TCAIM: variants seen among roughly 807,000 people sequenced by gnomAD.
The protein encoded by TCAIM is T-cell activation inhibitor, mitochondrial.
In TCAIM, 36 loss-of-function variants were observed where a neutral mutation model predicts 58.6. That is an observed-to-expected ratio of 0.61 (90% CI 0.47 to 0.81). The LOEUF is 0.81. TCAIM is among the 30% of genes least tolerant of loss of function. The pLI, the probability that TCAIM is intolerant of heterozygous loss-of-function variation, is 0.00. For synonymous variants in TCAIM, 172 were observed against 193.6 expected, an observed-to-expected ratio of 0.89 and a Z score of 0.93; for missense variants, 466 against 579.6, an observed-to-expected ratio of 0.80 and a Z score of 2.01.
At chr3:44,350,559 T>C (rs1701067191) in intron 1 of TCAIM, among the ~76,000 whole-genome samples, 1 of 151,938 alleles carries the variant, frequency 6.6e-6, no homozygotes, top group South Asian at 2.1e-4. Flanking sequence ...GCTTTCTGAG[T>C]AGCTGAGGCA....
chr3:44,343,076 G>A (rs927512741), intron 1 of TCAIM, among the ~76,000 whole-genome samples: 10 of 151,918 alleles, frequency 6.6e-5, no homozygotes, highest in Admixed American at 1.3e-4. Context: ...GGCAGAGGTC[G>A]CAGTGAGCCG....
At chr3:44,380,924 AAC>A (rs1701645741) in intron 5 of TCAIM, among the ~76,000 whole-genome samples, 2 of 152,198 alleles carry the variant, frequency 1.3e-5, no homozygotes, top group South Asian at 2.1e-4. Context: ...TATTTCTAGA[AAC>A]ACAAAATCTA....
At position 44,396,884 on chromosome 3, in the gene TCAIM, A is replaced by G. The variant is rs751292544; in HGVS notation, c.885+50A>G. The stretch of plus-strand genomic sequence containing the variant: ...AACTCCTTGTCATTCATAAACTTTC[A>G]TTTCCAACAATGCTGTAATGTTAAG... On this transcript the variant is annotated intron_variant, in intron 8 of 10. Coordinates refer to ENST00000342649, the MANE Select transcript of TCAIM (RefSeq NM_173826.4). 4 of 1,534,622 alleles carry G rather than the reference A, an allele frequency of 2.6e-6. No homozygotes were observed. In the African/African-American group the frequency reaches 4.1e-5, roughly 16 times the overall value.
At position 44,359,012 on chromosome 3, in the gene TCAIM, G is replaced by C. The variant is rs1025204853; in HGVS notation, c.165+1136G>C. On this transcript the variant is annotated intron_variant, in intron 3 of 10. Transcript: ENST00000342649. ...ATTAACTCGGGGATGCATTAATAAAGTTTTTAAATTCAAAATGTATAGAAA... is the reference window on the plus strand; with the variant it reads ...ATTAACTCGGGGATGCATTAATAAACTTTTTAAATTCAAAATGTATAGAAA... 4 of 983,134 alleles carry C rather than the reference G, an allele frequency of 4.1e-6. No individual in the cohort carries two copies. The African/African-American group carries it at 7.0e-5, about 17-fold the overall frequency. The allele number at this position is 983,134 out of a possible 1,614,324, so 60.9% of individuals were successfully genotyped here. A position where few individuals can be genotyped will look rare whatever the true frequency, so the allele number is the denominator to read the frequency against.
chr3:44,380,734 T>C lies in TCAIM; in HGVS notation c.573-12121T>C, dbSNP rs892415540. Among the ~76,000 whole-genome samples the C allele has an allele frequency of 9.9e-5, 15 of 152,224 alleles. 1 individual carries two copies. In the South Asian group the frequency reaches 2.1e-3, roughly 21 times the overall value. On this transcript the variant is annotated intron_variant, in intron 5 of 10. Coordinates refer to ENST00000342649, the MANE Select transcript of TCAIM (RefSeq NM_173826.4). ...TCAACAAAACCAAAACTTGGTTCTT[T>C]GAAAAGATCAACAAAATTGACCTTT...
chr3:44,381,936 A>G (rs1275530486), intron 5 of TCAIM, among the ~76,000 whole-genome samples: 1 of 152,228 alleles, frequency 6.6e-6, no homozygotes, highest in Non-Finnish European at 1.5e-5. Flanking sequence ...AAAGACTTGT[A>G]GTACAATGAA....
At chr3:44,357,158 G>T (rs1210576203) in intron 2 of TCAIM, among the ~76,000 whole-genome samples, 2 of 152,118 alleles carry the variant, frequency 1.3e-5, no homozygotes, top group Non-Finnish European at 2.9e-5. Context: ...TAATCCCATT[G>T]CTTTGAGAGG....
At chr3:44,386,321 G>A (rs1382474569) in intron 5 of TCAIM, among the ~76,000 whole-genome samples, 1 of 151,984 alleles carries the variant, frequency 6.6e-6, no homozygotes, top group Non-Finnish European at 1.5e-5. Flanking sequence ...CAAAGTTACA[G>A]TGAGCTATTG....
Position 44,408,156 on chromosome 3 carries a change from CAT to C in TCAIM, c.*479_*480del, listed in dbSNP as rs1249390995. On this transcript the variant is annotated 3_prime_UTR_variant, in exon 11 of 11. Coordinates refer to ENST00000342649, the MANE Select transcript of TCAIM (RefSeq NM_173826.4). Reference sequence around the variant, plus strand: ...TGTAAATGAAGGATTCTACAATAGTCATATATTTTTATATGAATGAATGTTGG... The same window carrying C: ...TGTAAATGAAGGATTCTACAATAGTCATATTTTTATATGAATGAATGTTGG... 2 of 152,228 alleles carry C rather than the reference CAT, an allele frequency of 1.3e-5. No homozygotes were observed. The highest frequency in any genetic ancestry group is 2.9e-5 in the Non-Finnish European group (2 of 68,162). 9.4% of individuals were successfully genotyped at this position (152,228 alleles called of 1,614,324 possible).
At chr3:44,379,229 T>A (rs943461905) in intron 5 of TCAIM, among the ~76,000 whole-genome samples, 5 of 151,912 alleles carry the variant, frequency 3.3e-5, no homozygotes, top group African/African-American at 1.2e-4. Context: ...ACAGATGCTG[T>A]GGTCAGGTTG....
At chr3:44,395,294 A>G (rs1438334623) in intron 6 of TCAIM, among the ~76,000 whole-genome samples, 1 of 152,176 alleles carries the variant, frequency 6.6e-6, no homozygotes, top group African/African-American at 2.4e-5. Context: ...TTTTCATTTT[A>G]TCAGAAATGA....
intron 5 of TCAIM, among the ~76,000 whole-genome samples, chr3:44,371,896 T>G (rs1352082047): frequency 6.6e-6 from 1 of 152,158 alleles, no homozygotes; most frequent in Non-Finnish European, 1.5e-5. Flanking sequence ...GTTTGAACTG[T>G]GCAGATCCAC....
intron 1 of TCAIM, chr3:44,341,300 A>G (rs1360048862): frequency 6.6e-6 from 1 of 152,156 alleles, no homozygotes; most frequent in African/African-American, 2.4e-5. Flanking sequence ...CCACAGCACA[A>G]TATAACTTTA....
chr3:44,392,814 TTA>T (rs779331332), intron 5 of TCAIM, 39 bp from the exon 6 acceptor site: 1 of 1,564,438 alleles, frequency 6.4e-7, no homozygotes, highest in Non-Finnish European at 8.7e-7. Flanking sequence ...AATATGTATA[TTA>T]TAGTTAGTAT....
At chr3:44,359,785 A>G (rs894447693) in intron 3 of TCAIM, 4 of 152,366 alleles carry the variant, frequency 2.6e-5, no homozygotes, top group Non-Finnish European at 4.4e-5. Context: ...GTAATAAACC[A>G]TAATGGTGAA....
chr3:44,389,969 T>C (rs1701806864), intron 5 of TCAIM, among the ~76,000 whole-genome samples: 2 of 152,190 alleles, frequency 1.3e-5, no homozygotes, highest in South Asian at 4.1e-4. Flanking sequence ...CTCACCTACC[T>C]GGAAAGATCT....
At chr3:44,372,530 C>T (rs565477562) in intron 5 of TCAIM, among the ~76,000 whole-genome samples, 1 of 151,714 alleles carries the variant, frequency 6.6e-6, no homozygotes, top group East Asian at 1.9e-4. Context: ...TAATTCTGCC[C>T]ATTTATATCA....
At chr3:44,404,832 A>G (rs1022279821) in intron 10 of TCAIM, among the ~76,000 whole-genome samples, 3 of 143,260 alleles carry the variant, frequency 2.1e-5, no homozygotes, top group South Asian at 2.6e-4. Context: ...AAAAACTGCA[A>G]TTACTTTTGC....
chr3:44,391,554 G>A (rs1014538642), intron 5 of TCAIM, among the ~76,000 whole-genome samples: 2 of 152,154 alleles, frequency 1.3e-5, no homozygotes, highest in African/African-American at 4.8e-5. Flanking sequence ...AGAAATACAG[G>A]TTTAGAGAAC....
Sources: gnomAD v4.1 joint callset for allele counts (sites outside exome capture counted in the v4.1 genomes callset) on GRCh38, gnomAD v4.1.1 for gene constraint, MANE v1.5 for transcripts, NCBI Gene and HGNC (gene_info 2026-07-23, HGNC 2026-07-21) for gene names.